CADM2: variants seen among roughly 807,000 people sequenced by gnomAD.
CADM2 encodes immunoglobulin superfamily member 4D.
A neutral mutation model predicts 49.8 loss-of-function variants in CADM2; 12 were observed. The observed-to-expected ratio is 0.24, with a 90% CI of 0.15 to 0.39. The LOEUF (loss-of-function observed/expected upper bound fraction) is 0.39. Among genes scored for constraint, CADM2 ranks in the 10% least tolerant of loss-of-function variants. The pLI, the probability that CADM2 is intolerant of heterozygous loss-of-function variation, is 1.00. For missense variants in CADM2, 378 were observed against 492.3 expected (o/e 0.77, Z 2.20); for synonymous variants, 214 against 175.4 (o/e 1.22, Z -1.74).
intron 1 of CADM2, among the ~76,000 whole-genome samples, chr3:85,285,596 A>G (rs1389628775): frequency 6.6e-6 from 1 of 152,070 alleles, no homozygotes; most frequent in Non-Finnish European, 1.5e-5. Context: ...AATAAGTGCA[A>G]GAATAAAATA....
At chr3:85,454,633 A>T (rs1405103387) in intron 1 of CADM2, among the ~76,000 whole-genome samples, 3 of 152,196 alleles carry the variant, frequency 2.0e-5, no homozygotes, top group African/African-American at 7.2e-5. Flanking sequence ...TCAAAATGAC[A>T]CAGTCAATTT....
intron 1 of CADM2, among the ~76,000 whole-genome samples, chr3:85,146,276 T>C (rs1274890692): frequency 6.6e-6 from 1 of 152,164 alleles, no homozygotes; most frequent in African/African-American, 2.4e-5. Context: ...TGTATTATGG[T>C]ATATCTGTGC....
In CADM2 at chr3:86,070,508, G is replaced by C. The variant is rs1739770041; in HGVS notation, c.*3725G>C. 1 of 151,824 alleles carries C rather than the reference G, an allele frequency of 6.6e-6. No homozygotes were observed. 9.4% of individuals were successfully genotyped at this position (151,824 alleles called of 1,614,324 possible). A position where few individuals can be genotyped will look rare whatever the true frequency, so the allele number is the denominator to read the frequency against. On this transcript the variant is annotated 3_prime_UTR_variant, in exon 10 of 10. Transcript: ENST00000383699. ...TTTTACATTATGCTTTTTAATTGTG[G>C]AGAAAATGCAAAACCTCATGTCTTA... is the stretch of plus-strand genomic sequence containing the variant.
chr3:85,064,645 GC>G (rs2036459167), intron 1 of CADM2, among the ~76,000 whole-genome samples: 1 of 151,998 alleles, frequency 6.6e-6, no homozygotes, highest in South Asian at 2.1e-4. Context: ...TTAAAGAACA[GC>G]TTTTCTACTT....
At chr3:85,393,876 T>A (rs1316261556) in intron 1 of CADM2, among the ~76,000 whole-genome samples, 1 of 152,206 alleles carries the variant, frequency 6.6e-6, no homozygotes, top group African/African-American at 2.4e-5. Flanking sequence ...GCATTAATTT[T>A]AAAAGTTACT....
rs530599113 is a variant in CADM2 at position 84,985,548 on chromosome 3, CTTA to C, written c.61+25884_61+25886del. Among the ~76,000 whole-genome samples the C allele has an allele frequency of 2.8e-3, 428 of 151,560 alleles. 1 individual carries two copies. The highest frequency in any genetic ancestry group is 8.8e-3 in the African/African-American group (364 of 41,246). On this transcript the variant is annotated intron_variant, in intron 1 of 9. Transcript: ENST00000383699. ...TCTGGAGATTAATATTTAATCATGG[CTTA>C]TTAATAATAATGAAGAGAGAACAAG... is the stretch of plus-strand genomic sequence containing the variant.
At chr3:85,062,049 G>GTC (rs953165411) in intron 1 of CADM2, among the ~76,000 whole-genome samples, 11 of 150,860 alleles carry the variant, frequency 7.3e-5, no homozygotes, top group East Asian at 1.9e-4. Flanking sequence ...CTCTCTCTCT[G>GTC]TCTCTCTCTC....
At chr3:85,938,503 T>C (rs1348186236) in intron 7 of CADM2, among the ~76,000 whole-genome samples, 1 of 152,008 alleles carries the variant, frequency 6.6e-6, no homozygotes, top group East Asian at 1.9e-4. Context: ...TAAAACATAA[T>C]AATAGCAACA....
Position 85,284,209 on chromosome 3 carries a change from C to T in CADM2, c.61+324541C>T, listed in dbSNP as rs919438616. Among the ~76,000 whole-genome samples the T allele has an allele frequency of 2.6e-5, 4 of 152,180 alleles. No homozygotes were observed. The East Asian group carries it at 7.7e-4, about 29-fold the overall frequency. Reference sequence around the variant, plus strand: ...TGTGTTGTCCTTTGAAAAGTTAGCTCTAAGAGTTTGAGGATCTTTCTGATT... The same window carrying T: ...TGTGTTGTCCTTTGAAAAGTTAGCTTTAAGAGTTTGAGGATCTTTCTGATT... On this transcript the variant is annotated intron_variant, in intron 1 of 9. Transcript: ENST00000383699.
At chr3:85,978,371 A>C (rs1382958613) in intron 8 of CADM2, among the ~76,000 whole-genome samples, 1 of 151,638 alleles carries the variant, frequency 6.6e-6, no homozygotes, top group African/African-American at 2.4e-5. Context: ...TTAACTAATT[A>C]TGGATTAGAG....
intron 1 of CADM2, among the ~76,000 whole-genome samples, chr3:85,652,846 C>T (rs1320314416): frequency 6.3e-5 from 8 of 126,158 alleles, no homozygotes; most frequent in African/African-American, 9.3e-5. Flanking sequence ...GACATGATCT[C>T]GGTTCACTGT....
At chr3:85,457,616 A>G (rs1486328924) in intron 1 of CADM2, among the ~76,000 whole-genome samples, 1 of 152,144 alleles carries the variant, frequency 6.6e-6, no homozygotes, top group Non-Finnish European at 1.5e-5. Context: ...GATAGTAAAT[A>G]TATTATCAAA....
chr3:84,989,628 AT>A (rs2032772277), intron 1 of CADM2, among the ~76,000 whole-genome samples: 1 of 152,060 alleles, frequency 6.6e-6, no homozygotes, highest in Admixed American at 6.6e-5. Flanking sequence ...ATGTTTCCAA[AT>A]TTTAGTCAGA....
intron 1 of CADM2, among the ~76,000 whole-genome samples, chr3:85,552,366 G>GTGTTTTTTTTTTTTT (rs2061828186): frequency 4.6e-5 from 4 of 87,588 alleles, no homozygotes; most frequent in African/African-American, 9.3e-5. Flanking sequence ...ACTTTGAAAA[G>GTGTTTTTTTTTTTTT]TTTTTTTTTT....
At chr3:85,882,155 C>A (rs901159677) in intron 3 of CADM2, among the ~76,000 whole-genome samples, 1 of 150,316 alleles carries the variant, frequency 6.7e-6, no homozygotes, top group Non-Finnish European at 1.5e-5. Flanking sequence ...CATCCCCCCG[C>A]CCCCACCCCG....
At chr3:85,437,900 T>A (rs2107535627) in intron 1 of CADM2, among the ~76,000 whole-genome samples, 1 of 152,096 alleles carries the variant, frequency 6.6e-6, no homozygotes, top group Admixed American at 6.6e-5. Flanking sequence ...TATTTTCTGA[T>A]TATAAAAAGA....
At chr3:85,961,873 T>A (rs537053564) in intron 8 of CADM2, among the ~76,000 whole-genome samples, 11 of 152,052 alleles carry the variant, frequency 7.2e-5, no homozygotes, top group Middle Eastern at 3.4e-3. Flanking sequence ...TAAAAAGCTT[T>A]CTCAATTATA....
At chr3:85,661,262 C>A (rs2065393201) in intron 1 of CADM2, among the ~76,000 whole-genome samples, 1 of 152,032 alleles carries the variant, frequency 6.6e-6, no homozygotes, top group Admixed American at 6.6e-5. Flanking sequence ...CAGCTTGTGA[C>A]TTTTTACAAT....
rs190991167 is a variant in CADM2 at position 85,513,274 on chromosome 3, A to G, written c.62-213248A>G. Among the ~76,000 whole-genome samples, 16 of 152,106 alleles carry G rather than the reference A, an allele frequency of 1.1e-4. No individual in the cohort carries two copies. The East Asian group carries it at 1.5e-3, about 15-fold the overall frequency. ...TCAAATTGGTAGTTAAGGAATCTAC[A>G]TGGCTTTAGAATTTTGTACTCTTGA... On this transcript the variant is annotated intron_variant, in intron 1 of 9. Coordinates refer to ENST00000383699, the MANE Select transcript of CADM2 (RefSeq NM_001167675.2).
Sources: gnomAD v4.1 joint callset for allele counts (sites outside exome capture counted in the v4.1 genomes callset) on GRCh38, gnomAD v4.1.1 for gene constraint, MANE v1.5 for transcripts, NCBI Gene and HGNC (gene_info 2026-07-23, HGNC 2026-07-21) for gene names.